The following RERE variants were observed in gnomAD, a reference collection of about 807,000 sequenced individuals.
RERE encodes the protein arginine-glutamic acid dipeptide repeats protein.
Under a neutral mutation model 146.1 loss-of-function variants are expected in RERE, and 40 were observed. The ratio of observed to expected loss-of-function variants is 0.27; its 90% CI spans 0.21 to 0.36. RERE has a LOEUF of 0.36. RERE is among the 10% of genes least tolerant of loss of function. RERE has a pLI of 1.00. For synonymous variants in RERE, 1,003 were observed against 866.0 expected (o/e 1.16, Z -2.78); for missense variants, 1,933 against 2,138.7 (o/e 0.90, Z 1.90).
rs897190970 is a variant in RERE, at chr1:8,366,855, A to C, written c.1285-881T>G. Reference sequence around the variant, plus strand: ...AGGCTGCCATCTCACCCTACACACAAAAGACGATTTCTTAAACATCCCAAG... The same window carrying C: ...AGGCTGCCATCTCACCCTACACACACAAGACGATTTCTTAAACATCCCAAG... On this transcript the variant is annotated intron_variant, in intron 12 of 22. Transcript: ENST00000400908. Among the ~76,000 whole-genome samples, 73 of 151,884 alleles carry C rather than the reference A, an allele frequency of 4.8e-4. 3 individuals carry two copies. Among genetic ancestry groups the C allele is most frequent in the Non-Finnish European group, 8.8e-5 (6 of 67,964 alleles).
intron 12 of RERE, among the ~76,000 whole-genome samples, chr1:8,399,656 T>C (rs898041877): frequency 1.3e-5 from 2 of 152,232 alleles, no homozygotes; most frequent in African/African-American, 2.4e-5. Context: ...AAAAAAATCC[T>C]GTTAAAGTTT....
At chr1:8,359,482 G>C (rs989718728) in intron 19 of RERE, among the ~76,000 whole-genome samples, 4 of 152,216 alleles carry the variant, frequency 2.6e-5, no homozygotes, top group Admixed American at 6.5e-5. Flanking sequence ...GAACCCAAAG[G>C]CTGCAGGAGA....
chr1:8,356,063 C>T lies in RERE; in HGVS notation c.4486+37G>A. 1.4e-6 allele frequency: 2 copies of T among 1,462,534 alleles called. No individual in the cohort carries two copies. The highest frequency in any genetic ancestry group is 9.0e-7 in the Non-Finnish European group (1 of 1,110,096). The allele number at this position is 1,462,534 out of a possible 1,614,324, so 90.6% of individuals were successfully genotyped here. On this transcript the variant is annotated intron_variant, in intron 21 of 22. Coordinates refer to ENST00000400908, the MANE Select transcript of RERE (RefSeq NM_001042681.2). The surrounding 1 kb of genome is among the most constrained non-coding windows in gnomAD (Gnocchi z 5.2). ...AGACCAGACCCCAACCCAACCCTCA[C>T]ACGGCCTCCCCGCCCCTCCTGGAGG... is the stretch of plus-strand genomic sequence containing the variant.
At chr1:8,426,866 A>G (rs1182222947) in intron 11 of RERE, among the ~76,000 whole-genome samples, 1 of 152,066 alleles carries the variant, frequency 6.6e-6, no homozygotes, top group Non-Finnish European at 1.5e-5. Flanking sequence ...TCCCAAATGA[A>G]ACCAGATGTC....
At chr1:8,717,381 A>G (rs1457750519) in intron 1 of RERE, among the ~76,000 whole-genome samples, 2 of 152,228 alleles carry the variant, frequency 1.3e-5, no homozygotes, top group African/African-American at 4.8e-5. Context: ...TTTTAATGCC[A>G]TTGTTTTGTC....
intron 4 of RERE, among the ~76,000 whole-genome samples, chr1:8,590,446 A>G (rs1646478900): frequency 6.6e-6 from 1 of 152,162 alleles, no homozygotes; most frequent in Admixed American, 6.5e-5. Flanking sequence ...AAGAGGCTTA[A>G]ATTCCATTTG....
chr1:8,728,010 C>T (rs952481865), intron 1 of RERE, among the ~76,000 whole-genome samples: 4 of 152,240 alleles, frequency 2.6e-5, no homozygotes, highest in East Asian at 3.8e-4. Context: ...CACATGCACA[C>T]GAACCTCAGC....
At chr1:8,370,264 C>T (rs141840838) in intron 12 of RERE, among the ~76,000 whole-genome samples, 10 of 152,074 alleles carry the variant, frequency 6.6e-5, no homozygotes, top group Admixed American at 3.3e-4. Context: ...CAGACAGGGA[C>T]GGTGGGTGCT....
intron 1 of RERE, among the ~76,000 whole-genome samples, chr1:8,727,341 C>T (rs1007849911): frequency 3.3e-5 from 5 of 151,854 alleles, no homozygotes; most frequent in African/African-American, 9.7e-5. Flanking sequence ...AGAATTTCTC[C>T]ATGTTGGTCA....
At chr1:8,503,043 T>C (rs910575758) in intron 8 of RERE, among the ~76,000 whole-genome samples, 5 of 150,184 alleles carry the variant, frequency 3.3e-5, no homozygotes, top group African/African-American at 1.2e-4. Context: ...CCTATGACCC[T>C]GCCAAATCCC....
intron 1 of RERE, among the ~76,000 whole-genome samples, chr1:8,749,396 A>T (rs1640485527): frequency 6.6e-6 from 1 of 152,164 alleles, no homozygotes; most frequent in African/African-American, 2.4e-5. Flanking sequence ...AAAATACATA[A>T]GTAAAAATGA....
chr1:8,365,731 G>C (rs1641780474), intron 13 of RERE, 81 bp downstream of exon 13: 2 of 1,514,514 alleles, frequency 1.3e-6, no homozygotes, highest in Non-Finnish European at 1.8e-6. Flanking sequence ...GGAGCCATCA[G>C]CTCCTACGGG....
At chr1:8,759,876 C>CAT (rs1294214023) in intron 1 of RERE, among the ~76,000 whole-genome samples, 1 of 150,692 alleles carries the variant, frequency 6.6e-6, no homozygotes, top group Non-Finnish European at 1.5e-5. Context: ...CACACACACA[C>CAT]AATATGTCTT....
chr1:8,553,226 GC>G (rs1323684923), intron 6 of RERE, among the ~76,000 whole-genome samples: 2 of 150,328 alleles, frequency 1.3e-5, no homozygotes, highest in Admixed American at 1.3e-4. Flanking sequence ...GCACCATTAG[GC>G]CAGCATGTCC....
chr1:8,408,197 C>A (rs1280568421), intron 12 of RERE, among the ~76,000 whole-genome samples: 1 of 151,890 alleles, frequency 6.6e-6, no homozygotes, highest in African/African-American at 2.4e-5. Context: ...AAGTTAACCT[C>A]CTCAGCCATT....
intron 12 of RERE, among the ~76,000 whole-genome samples, chr1:8,416,340 C>G (rs1227377851): frequency 6.6e-6 from 1 of 152,176 alleles, no homozygotes; most frequent in Non-Finnish European, 1.5e-5. Context: ...AATCCCAGCA[C>G]TTTGGGAGGC....
intron 1 of RERE, among the ~76,000 whole-genome samples, chr1:8,742,069 G>T (rs1272181989): frequency 6.6e-6 from 1 of 152,202 alleles, no homozygotes; most frequent in Non-Finnish European, 1.5e-5. Context: ...AAGGTGAACA[G>T]TGCCATCCCA....
chr1:8,612,918 A>G (rs1646809697), intron 4 of RERE, among the ~76,000 whole-genome samples: 1 of 152,216 alleles, frequency 6.6e-6, no homozygotes, highest in South Asian at 2.1e-4. Context: ...TTCCACTGTA[A>G]GACAGAGAAT....
intron 4 of RERE, among the ~76,000 whole-genome samples, chr1:8,573,420 CTATAA>C (rs1344989391): frequency 1.3e-5 from 2 of 151,998 alleles, no homozygotes; most frequent in Non-Finnish European, 2.9e-5. Flanking sequence ...TTGAGTTCTT[CTATAA>C]TATGCTTTGT....
Sources: gnomAD v4.1 joint callset for allele counts (sites outside exome capture counted in the v4.1 genomes callset) on GRCh38, gnomAD v4.1.1 for gene constraint, Gnocchi (gnomAD v3.1) non-coding constraint, MANE v1.5 for transcripts, NCBI Gene and HGNC (gene_info 2026-07-23, HGNC 2026-07-21) for gene names.